NLGN1: variants seen among roughly 807,000 people sequenced by gnomAD.
NLGN1 encodes neuroligin 1.
In NLGN1, 12 loss-of-function variants were observed where a neutral mutation model predicts 65.5. The ratio of observed to expected loss-of-function variants is 0.18; its 90% CI spans 0.12 to 0.30. The LOEUF (loss-of-function observed/expected upper bound fraction) is 0.30, where lower values mean the gene tolerates loss of function less well. Ranked by LOEUF, NLGN1 falls within the 10% of genes least tolerant of loss-of-function variation. The probability of loss-of-function intolerance (pLI) is 1.00; values close to 1 mark genes in which losing one functional copy is unlikely to be tolerated. For synonymous variants in NLGN1, 350 were observed against 359.5 expected, an observed-to-expected ratio of 0.97 and a Z score of 0.30; for missense variants, 750 against 1,007.1, an observed-to-expected ratio of 0.74 and a Z score of 3.46.
At position 174,171,066 on chromosome 3, in the gene NLGN1, AATAG is replaced by A. The variant is rs564648041; in HGVS notation, c.647-104244_647-104241del. On this transcript the variant is annotated intron_variant, in intron 4 of 6. Coordinates refer to ENST00000457714, the Ensembl canonical transcript of NLGN1. ...AGTAAGGTGGTAAGTTTGTTGAAAG[AATAG>A]ATAGGCAAATAAATTAATAGACCTT... Among the ~76,000 whole-genome samples, 9 of 152,336 alleles carry A rather than the reference AATAG, an allele frequency of 5.9e-5. No homozygotes were observed. In the South Asian group the frequency reaches 1.9e-3, roughly 32 times the overall value.
chr3:173,849,222 A>G (rs1452227340), intron 4 of NLGN1, among the ~76,000 whole-genome samples: 1 of 152,006 alleles, frequency 6.6e-6, no homozygotes, highest in Non-Finnish European at 1.5e-5. Context: ...TTTTCTTTGA[A>G]TTACTCTCTG....
At chr3:173,881,630 T>C (rs1218824376) in intron 4 of NLGN1, among the ~76,000 whole-genome samples, 1 of 148,584 alleles carries the variant, frequency 6.7e-6, no homozygotes, top group African/African-American at 2.5e-5. Flanking sequence ...GTTTCACTAT[T>C]GTAGCCAGGA....
chr3:173,722,067 A>C (rs983397747), intron 3 of NLGN1, among the ~76,000 whole-genome samples: 1 of 152,168 alleles, frequency 6.6e-6, no homozygotes, highest in Non-Finnish European at 1.5e-5. Flanking sequence ...AACACCTTAC[A>C]TGATGACACC....
chr3:173,721,322 T>G (rs1259055205), intron 3 of NLGN1, among the ~76,000 whole-genome samples: 2 of 152,234 alleles, frequency 1.3e-5, no homozygotes, highest in African/African-American at 4.8e-5. Context: ...GCATCACTTG[T>G]AATTTCTAAT....
At chr3:174,067,963 C>T (rs2152529124) in intron 4 of NLGN1, among the ~76,000 whole-genome samples, 2 of 152,280 alleles carry the variant, frequency 1.3e-5, no homozygotes, top group Middle Eastern at 6.8e-3. Flanking sequence ...AGGATCTCCT[C>T]TCAACAGGCT....
chr3:174,097,458 T>G (rs1745748534), intron 4 of NLGN1, among the ~76,000 whole-genome samples: 1 of 152,188 alleles, frequency 6.6e-6, no homozygotes. Context: ...ACCTTTAAAA[T>G]TATTTGAATT....
At chr3:173,775,243 G>A (rs917351877) in intron 3 of NLGN1, among the ~76,000 whole-genome samples, 63 of 152,022 alleles carry the variant, frequency 4.1e-4, no homozygotes, top group African/African-American at 1.2e-3. Context: ...AATGCAATCC[G>A]TTATTATATA....
chr3:174,169,926 G>A (rs1207003003), intron 4 of NLGN1, among the ~76,000 whole-genome samples: 1 of 152,122 alleles, frequency 6.6e-6, no homozygotes, highest in Non-Finnish European at 1.5e-5. Flanking sequence ...GCTTGGGAGA[G>A]GCAAAGTCCT....
At chr3:174,152,664 TA>T (rs1157255984) in intron 4 of NLGN1, among the ~76,000 whole-genome samples, 5 of 151,614 alleles carry the variant, frequency 3.3e-5, no homozygotes, top group Non-Finnish European at 5.9e-5. Context: ...ATATATAAAA[TA>T]AAAAAATTAA....
At chr3:173,448,718 T>C (rs1346215059) in intron 2 of NLGN1, among the ~76,000 whole-genome samples, 1 of 152,192 alleles carries the variant, frequency 6.6e-6, no homozygotes, top group Non-Finnish European at 1.5e-5. Flanking sequence ...GGTAAGCTAT[T>C]AATTATTGCC....
intron 4 of NLGN1, among the ~76,000 whole-genome samples, chr3:174,076,702 AGAGAGAGAGAGAGAGAGAGAGAGT>A (rs1360291623): frequency 2.1e-5 from 3 of 145,080 alleles, no homozygotes; most frequent in African/African-American, 8.0e-5. Context: ...AGAGAGAGAG[AGAGAGAGAGAGAGAGAGAGAGAGT>A]GTGTGTGTGT....
At chr3:174,099,161 C>T (rs1304515533) in intron 4 of NLGN1, among the ~76,000 whole-genome samples, 1 of 152,106 alleles carries the variant, frequency 6.6e-6, no homozygotes, top group South Asian at 2.1e-4. Flanking sequence ...ATGCAACAGA[C>T]GTTTTAGTCC....
chr3:174,144,442 T>G (rs1002041834), intron 4 of NLGN1, among the ~76,000 whole-genome samples: 1 of 152,174 alleles, frequency 6.6e-6, no homozygotes, highest in Admixed American at 6.5e-5. Context: ...GTAATGGGAT[T>G]GCTGGGTCAA....
intron 3 of NLGN1, among the ~76,000 whole-genome samples, chr3:173,787,154 G>A (rs1416645627): frequency 1.3e-5 from 2 of 151,564 alleles, no homozygotes; most frequent in African/African-American, 4.9e-5. Flanking sequence ...ATTCACCATC[G>A]AGTACTCAAA....
At chr3:173,710,883 G>A (rs1768839010) in intron 3 of NLGN1, among the ~76,000 whole-genome samples, 1 of 152,116 alleles carries the variant, frequency 6.6e-6, no homozygotes, top group East Asian at 1.9e-4. Context: ...TTTCTGTGGT[G>A]ACCTGGGAGT....
chr3:173,518,445 A>T (rs1301079549), intron 2 of NLGN1, among the ~76,000 whole-genome samples: 9 of 150,850 alleles, frequency 6.0e-5, no homozygotes. Flanking sequence ...ATATGTAGGT[A>T]TGTGTATACA....
At chr3:173,738,595 A>G (rs939829472) in intron 3 of NLGN1, among the ~76,000 whole-genome samples, 1 of 152,100 alleles carries the variant, frequency 6.6e-6, no homozygotes, top group Non-Finnish European at 1.5e-5. Context: ...TATTCCATTG[A>G]TTTATATGTC....
chr3:173,669,987 A>G (rs944481711), intron 3 of NLGN1, among the ~76,000 whole-genome samples: 1 of 152,254 alleles, frequency 6.6e-6, no homozygotes, highest in Non-Finnish European at 1.5e-5. Context: ...TGTAAGGAAT[A>G]TGCATGTCTG....
chr3:174,231,574 C>T (rs537087090), intron 4 of NLGN1, among the ~76,000 whole-genome samples: 2 of 152,224 alleles, frequency 1.3e-5, no homozygotes, highest in African/African-American at 2.4e-5. Flanking sequence ...TACAGAAGTA[C>T]GCAGTCCTTC....
Sources: gnomAD v4.1 joint callset for allele counts (sites outside exome capture counted in the v4.1 genomes callset) on GRCh38, gnomAD v4.1.1 for gene constraint, MANE v1.5 for transcripts, NCBI Gene and HGNC (gene_info 2026-07-23, HGNC 2026-07-21) for gene names.